PGBD5: variants seen among roughly 807,000 people sequenced by gnomAD.
PGBD5 encodes the protein piggyBac transposable element-derived protein 5.
A neutral mutation model predicts 47.9 loss-of-function variants in PGBD5; 14 were observed. The observed-to-expected ratio is 0.29, with a 90% CI of 0.19 to 0.46. PGBD5 has a LOEUF of 0.46. PGBD5 is among the 20% of genes least tolerant of loss of function. The probability of loss-of-function intolerance (pLI) is 1.00; values close to 1 mark genes in which losing one functional copy is unlikely to be tolerated. For missense variants in PGBD5, 635 were observed against 716.0 expected, an observed-to-expected ratio of 0.89 and a Z score of 1.29; for synonymous variants, 316 against 306.3, an observed-to-expected ratio of 1.03 and a Z score of -0.33.
intron 1 of PGBD5, among the ~76,000 whole-genome samples, chr1:230,420,085 CAT>C (rs934930543): frequency 2.0e-5 from 3 of 152,144 alleles, no homozygotes; most frequent in African/African-American, 7.2e-5. Flanking sequence ...AAGATTGTGC[CAT>C]TGCACTCCAG....
chr1:230,315,638 G>A lies in PGBD5; in HGVS notation c.*7787C>T, dbSNP rs1666923180. The A allele has an allele frequency of 1.3e-5, 2 of 151,840 alleles. No individual in the cohort carries two copies. Among genetic ancestry groups the A allele is most frequent in the African/African-American group, 4.8e-5 (2 of 41,314 alleles). 9.4% of individuals were successfully genotyped at this position (151,840 alleles called of 1,614,324 possible). ...GTTTGATTGCTAAGGACCTAGCAGA[G>A]GCTCATCATGTGGTAGACTCTGTAT... On this transcript the variant is annotated 3_prime_UTR_variant, in exon 7 of 7. Transcript: ENST00000391860.
At chr1:230,332,809 G>GC in intron 5 of PGBD5, 35 bp downstream of exon 5, 3 of 1,612,646 alleles carry the variant, frequency 1.9e-6, no homozygotes, top group Non-Finnish European at 2.5e-6. Context: ...CAATCCCCGC[G>GC]CGCCCCACTG....
At chr1:230,346,478 G>C (rs1244242265) in intron 3 of PGBD5, among the ~76,000 whole-genome samples, 1 of 152,208 alleles carries the variant, frequency 6.6e-6, no homozygotes, top group Admixed American at 6.5e-5. Flanking sequence ...CGACCAGCCT[G>C]GGTAAATAGC....
At chr1:230,350,900 C>T (rs531572068) in intron 3 of PGBD5, 58 bp downstream of exon 3, 51 of 1,588,396 alleles carry the variant, frequency 3.2e-5, no homozygotes, top group Admixed American at 1.8e-4. Flanking sequence ...CCAAGTCGCC[C>T]GGATTTTCTT....
chr1:230,378,326 G>T (rs547320713), intron 1 of PGBD5, among the ~76,000 whole-genome samples: 2 of 152,336 alleles, frequency 1.3e-5, no homozygotes, highest in Admixed American at 1.3e-4. Flanking sequence ...AACAGGATTT[G>T]CTGTCAAGTT....
intron 1 of PGBD5, among the ~76,000 whole-genome samples, chr1:230,394,561 T>C (rs1350653456): frequency 7.4e-6 from 1 of 134,896 alleles, no homozygotes; most frequent in Non-Finnish European, 1.6e-5. Flanking sequence ...GCTCCATTCA[T>C]TGCCCACCCC....
In PGBD5 at chr1:230,337,184, C is replaced by G; in HGVS notation, c.999G>C (p.Ala333=). ...TGAAAATGATGTAGTTCTTGCCTGCCGCGTTCCGGCACAGGCTCCTGGCCA... is the reference window on the plus strand; with the variant it reads ...TGAAAATGATGTAGTTCTTGCCTGCGGCGTTCCGGCACAGGCTCCTGGCCA... ...SMVARSLCRN[A]AGKNYIIFTG... The change falls in exon 4 of 7, where the codon GCG becomes GCC. Residue 333 remains alanine, a synonymous_variant. Transcript: ENST00000391860. 2 of 1,614,204 alleles carry G rather than the reference C, an allele frequency of 1.2e-6. No individual in the cohort carries two copies. Among genetic ancestry groups the G allele is most frequent in the Non-Finnish European group, 1.7e-6 (2 of 1,180,046 alleles).
intron 1 of PGBD5, among the ~76,000 whole-genome samples, chr1:230,394,528 C>T (rs1294563849): frequency 6.7e-6 from 1 of 149,650 alleles, no homozygotes; most frequent in Non-Finnish European, 1.5e-5. Context: ...CTTTCACTCC[C>T]TGCCCTCCTC....
intron 1 of PGBD5, among the ~76,000 whole-genome samples, chr1:230,380,061 G>A (rs1040441182): frequency 6.6e-5 from 10 of 152,178 alleles, no homozygotes; most frequent in African/African-American, 1.9e-4. Flanking sequence ...ACAGAGCAGG[G>A]GCCGTGTGCT....
At chr1:230,333,379 G>A (rs1315898514) in intron 4 of PGBD5, among the ~76,000 whole-genome samples, 2 of 152,156 alleles carry the variant, frequency 1.3e-5, no homozygotes, top group Non-Finnish European at 2.9e-5. Flanking sequence ...ACAGCACTAC[G>A]CACGTGTACT....
chr1:230,364,194 C>T (rs1284846918), intron 1 of PGBD5, among the ~76,000 whole-genome samples: 1 of 152,184 alleles, frequency 6.6e-6, no homozygotes, highest in South Asian at 2.1e-4. Flanking sequence ...GGTAGGTGCC[C>T]GTGGGGTTGA....
chr1:230,425,595 T>G lies in PGBD5; in HGVS notation c.331+3A>C. 1 of 1,216,666 alleles carries G rather than the reference T, an allele frequency of 8.2e-7. No individual in the cohort carries two copies. The highest frequency in any genetic ancestry group is 3.3e-5 in the East Asian group (1 of 30,322). The allele number at this position is 1,216,666 out of a possible 1,614,324, so 75.4% of individuals were successfully genotyped here. A position where few individuals can be genotyped will look rare whatever the true frequency, so the allele number is the denominator to read the frequency against. On this transcript the variant is annotated splice_donor_region_variant and intron_variant, in intron 1 of 6. Transcript: ENST00000391860. The surrounding 1 kb of genome is among the most constrained non-coding windows in gnomAD (Gnocchi z 4.7). The stretch of plus-strand genomic sequence containing the variant: ...CGACATCCACCCGCGGGCAGCCCCT[T>G]ACCGCCGGTATCCTCGAAGCGCGGG...
chr1:230,424,108 C>T lies in PGBD5; in HGVS notation c.331+1490G>A, dbSNP rs576012673. 2.0e-5 allele frequency among the ~76,000 whole-genome samples: 3 copies of T among 152,280 alleles called. No individual in the cohort carries two copies. In the South Asian group the frequency reaches 6.2e-4, roughly 32 times the overall value. On this transcript the variant is annotated intron_variant, in intron 1 of 6. Coordinates refer to ENST00000391860, the MANE Select transcript of PGBD5 (RefSeq NM_001258311.2). ...CACGCAGAGACTTGCTGTGCAGTCC[C>T]AGGTGGACCTGGATCTCAAATGTTC...
intron 2 of PGBD5, 36 bp downstream of exon 2, chr1:230,356,858 A>C (rs1558198112): frequency 6.3e-7 from 1 of 1,592,096 alleles, no homozygotes. Flanking sequence ...GAGCGAGGAC[A>C]CCTGGACAAG....
chr1:230,399,110 G>T (rs1211056995), intron 1 of PGBD5, among the ~76,000 whole-genome samples: 2 of 152,090 alleles, frequency 1.3e-5, no homozygotes, highest in Non-Finnish European at 2.9e-5. Flanking sequence ...AGAACACACC[G>T]AGACAGGAGC....
intron 1 of PGBD5, among the ~76,000 whole-genome samples, chr1:230,402,507 G>A (rs193119684): frequency 5.0e-4 from 76 of 152,308 alleles, no homozygotes; most frequent in African/African-American, 1.8e-3. Flanking sequence ...CTCACTGTTG[G>A]GGGAGGGGGC....
At chr1:230,401,483 T>C (rs1301346029) in intron 1 of PGBD5, among the ~76,000 whole-genome samples, 2 of 152,116 alleles carry the variant, frequency 1.3e-5, no homozygotes, top group Non-Finnish European at 1.5e-5. Flanking sequence ...CAAACAGCAC[T>C]AAGGAAAGAT....
intron 1 of PGBD5, among the ~76,000 whole-genome samples, chr1:230,402,027 G>C (rs893078389): frequency 6.6e-6 from 1 of 152,220 alleles, no homozygotes; most frequent in East Asian, 1.9e-4. Flanking sequence ...GCTGCTGCCA[G>C]GAAGTGGTGG....
chr1:230,348,395 G>GT (rs546406663), intron 3 of PGBD5, among the ~76,000 whole-genome samples: 1 of 152,334 alleles, frequency 6.6e-6, no homozygotes, highest in East Asian at 1.9e-4. Context: ...GCAGGTTGAG[G>GT]CCCAGGGGAG....
Sources: gnomAD v4.1 joint callset for allele counts (sites outside exome capture counted in the v4.1 genomes callset) on GRCh38, gnomAD v4.1.1 for gene constraint, Gnocchi (gnomAD v3.1) non-coding constraint, MANE v1.5 for transcripts, NCBI Gene and HGNC (gene_info 2026-07-23, HGNC 2026-07-21) for gene names.